The following RRP1B variants were observed in gnomAD, a reference collection of about 807,000 sequenced individuals.
The protein encoded by RRP1B is ribosomal RNA processing protein 1 homolog B.
A neutral mutation model predicts 80.2 loss-of-function variants in RRP1B; 56 were observed. The observed-to-expected ratio is 0.70, with a 90% CI of 0.56 to 0.87. The LOEUF (loss-of-function observed/expected upper bound fraction) is 0.87. RRP1B is among the 40% of genes least tolerant of loss of function. The pLI, the probability that RRP1B is intolerant of heterozygous loss-of-function variation, is 0.00. For missense variants in RRP1B, 807 were observed against 939.8 expected (o/e 0.86, Z 1.85); for synonymous variants, 351 against 357.6 (o/e 0.98, Z 0.21).
intron 5 of RRP1B, 86 bp downstream of exon 5, chr21:43,674,783 C>A: frequency 2.5e-6 from 3 of 1,219,378 alleles, no homozygotes; most frequent in Non-Finnish European, 3.5e-6. Flanking sequence ...TGTAGAGTAC[C>A]AATGAGAAGC....
intron 11 of RRP1B, chr21:43,686,144 A>G (rs1601760074): frequency 1.1e-5 from 2 of 187,622 alleles, no homozygotes; most frequent in Admixed American, 5.6e-5. Context: ...ACCAGCCCTT[A>G]CCTAGTCATA....
At chr21:43,687,008 G>T (rs2083065774) in intron 12 of RRP1B, 73 bp downstream of exon 12, 1 of 1,518,934 alleles carries the variant, frequency 6.6e-7, no homozygotes, top group Non-Finnish European at 9.0e-7. Flanking sequence ...AGGCCTCGGA[G>T]ACTTGAGCTC....
At chr21:43,692,061 TAAGAG>T (rs2083089042) in intron 15 of RRP1B, among the ~76,000 whole-genome samples, 1 of 152,122 alleles carries the variant, frequency 6.6e-6, no homozygotes. Context: ...TGGGACCTGT[TAAGAG>T]AAGCTACCTG....
chr21:43,687,443 T>C (rs2083067612), intron 12 of RRP1B, 73 bp from the exon 13 acceptor site: 4 of 1,425,370 alleles, frequency 2.8e-6, no homozygotes, highest in Non-Finnish European at 3.7e-6. Flanking sequence ...CCAGTCATAC[T>C]GTCTGAGAAT....
rs1212638493 is a variant in RRP1B, at chr21:43,691,585, C to T, written c.2083+83C>T. 43 of 1,237,470 alleles carry T rather than the reference C, an allele frequency of 3.5e-5. No homozygotes were observed. The highest frequency in any genetic ancestry group is 2.0e-4 in the Middle Eastern group (1 of 5,082). 76.7% of individuals were successfully genotyped at this position (1,237,470 alleles called of 1,614,324 possible). ...CGGCTCGCAGCCTGGTTCCACAAGG[C>T]GGTCGGGGAAGAGGGGGGTCCTAGC... On this transcript the variant is annotated intron_variant, in intron 15 of 15. Coordinates refer to ENST00000340648, the MANE Select transcript of RRP1B (RefSeq NM_015056.3). This position sits in a 1 kb window ranked among gnomAD's most constrained non-coding sequence, Gnocchi z 4.2.
chr21:43,667,871 A>G (rs987363994), intron 1 of RRP1B, among the ~76,000 whole-genome samples: 14 of 152,208 alleles, frequency 9.2e-5, no homozygotes, highest in African/African-American at 1.9e-4. Context: ...GTTTTATGTT[A>G]GTTCCTGATA....
intron 8 of RRP1B, among the ~76,000 whole-genome samples, chr21:43,681,448 C>G (rs1454096428): frequency 1.3e-5 from 2 of 151,480 alleles, no homozygotes; most frequent in African/African-American, 4.8e-5. Flanking sequence ...CTCTGCCTCC[C>G]GGGTTCAAGC....
intron 11 of RRP1B, chr21:43,686,036 G>A (rs376569949): frequency 5.3e-4 from 188 of 354,024 alleles, no homozygotes; most frequent in African/African-American, 2.9e-3. Flanking sequence ...GGGGAGGATC[G>A]CTTGAGCCCA....
In RRP1B at chr21:43,695,943, T is replaced by C. The variant is rs1202963425; in HGVS notation, c.*2560T>C. The C allele has an allele frequency of 1.3e-5, 2 of 152,222 alleles. No homozygotes were observed. The highest frequency in any genetic ancestry group is 1.9e-4 in the East Asian group (1 of 5,206). The allele number at this position is 152,222 out of a possible 1,614,324, so 9.4% of individuals were successfully genotyped here. A position where few individuals can be genotyped will look rare whatever the true frequency, so the allele number is the denominator to read the frequency against. The stretch of plus-strand genomic sequence containing the variant: ...TGAAATCGAGCTGTCTTTTAACTTT[T>C]GTATGTGTTTTATCAGAATTTGCTG... On this transcript the variant is annotated 3_prime_UTR_variant, in exon 16 of 16. Transcript: ENST00000340648.
chr21:43,662,338 T>G (rs886851649), intron 1 of RRP1B, among the ~76,000 whole-genome samples: 3 of 152,224 alleles, frequency 2.0e-5, no homozygotes, highest in Non-Finnish European at 4.4e-5. Flanking sequence ...CCACATTGCA[T>G]GGAGTACAGT....
At chr21:43,671,914 T>C (rs2083000885) in intron 2 of RRP1B, among the ~76,000 whole-genome samples, 1 of 152,108 alleles carries the variant, frequency 6.6e-6, no homozygotes, top group Non-Finnish European at 1.5e-5. Context: ...CTTGAACTCC[T>C]GACCTCAGGT....
At chr21:43,665,123 T>C (rs1044638157) in intron 1 of RRP1B, among the ~76,000 whole-genome samples, 2 of 152,254 alleles carry the variant, frequency 1.3e-5, no homozygotes, top group Non-Finnish European at 2.9e-5. Context: ...CTTTGCCTGT[T>C]ACAGGTGTGG....
intron 11 of RRP1B, chr21:43,686,588 C>T (rs543021588): frequency 4.2e-4 from 211 of 504,644 alleles, no homozygotes; most frequent in Admixed American, 7.2e-4. Context: ...AGGGTGTCAC[C>T]GAGGGCTTGT....
intron 12 of RRP1B, among the ~76,000 whole-genome samples, chr21:43,687,158 G>T (rs1303840314): frequency 6.6e-6 from 1 of 152,154 alleles, no homozygotes; most frequent in African/African-American, 2.4e-5. Context: ...TGCTCTCCAG[G>T]GCACCTCTGC....
rs769523532 is a variant in RRP1B at position 43,676,821 on chromosome 21, C to G, written c.703C>G (p.Gln235Glu). Reference sequence around the variant, plus strand: ...TGTGCCTGAAGAGACGATGGAGGAACAGAAGACAAAAGTGGGTGATGGTGA... The same window carrying G: ...TGTGCCTGAAGAGACGATGGAGGAAGAGAAGACAAAAGTGGGTGATGGTGA... ...PFVPEETMEE[Q>E]KTKVGDGDLS... Residue 235 changes from glutamine to glutamate, a missense_variant, in exon 8 of 16, where the codon CAG becomes GAG. Gln to Glu is a conservative substitution (Grantham distance 29). Coordinates refer to ENST00000340648, the MANE Select transcript of RRP1B (RefSeq NM_015056.3). The G allele has an allele frequency of 8.1e-6, 13 of 1,614,112 alleles. No individual in the cohort carries two copies. In the African/African-American group the frequency reaches 1.5e-4, roughly 18 times the overall value.
Position 43,691,414 on chromosome 21 carries a change from T to C in RRP1B, c.2020-25T>C. On this transcript the variant is annotated intron_variant, in intron 14 of 15. Transcript: ENST00000340648. The surrounding 1 kb of genome is among the most constrained non-coding windows in gnomAD (Gnocchi z 4.2). ...TCCACTGCACTTGCGTCACTCCTTT[T>C]GTTCCTGTTATTTCTCTTCTGCAGC... 6.2e-7 allele frequency: 1 copy of C among 1,613,002 alleles called. No homozygotes were observed.
intron 13 of RRP1B, among the ~76,000 whole-genome samples, chr21:43,688,900 C>T (rs1039537793): frequency 6.6e-6 from 1 of 152,240 alleles, no homozygotes; most frequent in African/African-American, 2.4e-5. Context: ...AGCGATTCTT[C>T]TGCCTCTGCC....
At chr21:43,677,669 C>T in intron 8 of RRP1B, among the ~76,000 whole-genome samples, 1 of 152,124 alleles carries the variant, frequency 6.6e-6, no homozygotes, top group East Asian at 1.9e-4. Flanking sequence ...TTTGGGTTTT[C>T]TTTAATTATT....
At chr21:43,684,262 G>A (rs897017531) in intron 9 of RRP1B, among the ~76,000 whole-genome samples, 7 of 151,788 alleles carry the variant, frequency 4.6e-5, no homozygotes, top group African/African-American at 1.7e-4. Context: ...TAGTAGAGAC[G>A]GGGTTTTGCC....
Sources: allele counts gnomAD v4.1 joint callset (sites outside exome capture counted in the v4.1 genomes callset), GRCh38; gene constraint gnomAD v4.1.1; non-coding constraint Gnocchi (gnomAD v3.1); transcripts MANE v1.5; gene names NCBI Gene and HGNC (gene_info 2026-07-23, HGNC 2026-07-21).